Variants in UTS2B observed in about 807,000 individuals in gnomAD.
The protein encoded by UTS2B is urotensin-2B.
In UTS2B, 21 loss-of-function variants were observed where a neutral mutation model predicts 19.2. The observed-to-expected ratio is 1.09, with a 90% confidence interval of 0.78 to 1.58. The LOEUF (loss-of-function observed/expected upper bound fraction) is 1.58. UTS2B is among the 40% of genes most tolerant of loss of function. The probability of loss-of-function intolerance (pLI) is 0.00; values close to 1 mark genes in which losing one functional copy is unlikely to be tolerated. For missense variants in UTS2B, 138 were observed against 130.3 expected (o/e 1.06, Z -0.29); for synonymous variants, 57 against 50.2 (o/e 1.14, Z -0.58).
At chr3:191,275,644 T>C (rs533793738) in intron 7 of UTS2B, among the ~76,000 whole-genome samples, 11 of 151,084 alleles carry the variant, frequency 7.3e-5, no homozygotes, top group Non-Finnish European at 1.2e-4. Flanking sequence ...TGCACCACTG[T>C]ACTTCTGCCA....
intron 2 of UTS2B, among the ~76,000 whole-genome samples, chr3:191,322,399 T>A (rs778057416): frequency 6.6e-6 from 1 of 152,208 alleles, no homozygotes; most frequent in Non-Finnish European, 1.5e-5. Flanking sequence ...CTTGGTTAAA[T>A]GGTGAACAAT....
intron 8 of UTS2B, among the ~76,000 whole-genome samples, chr3:191,271,971 T>A (rs954330043): frequency 1.3e-5 from 2 of 152,178 alleles, no homozygotes; most frequent in Non-Finnish European, 2.9e-5. Context: ...GGATCCCACA[T>A]CCCCATTAAG....
At chr3:191,268,552 AC>A (rs1157660715) in intron 8 of UTS2B, 111 bp from the exon 9 acceptor site, 1 of 698,730 alleles carries the variant, frequency 1.4e-6, no homozygotes, top group Non-Finnish European at 2.4e-6. Context: ...TTTAAAAGGG[AC>A]AGTCAATATT....
chr3:191,316,819 A>T (rs554323885), intron 2 of UTS2B, among the ~76,000 whole-genome samples: 22 of 152,346 alleles, frequency 1.4e-4, no homozygotes, highest in African/African-American at 5.3e-4. Flanking sequence ...TGAGCTAGAC[A>T]CAGGGTGCTG....
intron 4 of UTS2B, among the ~76,000 whole-genome samples, chr3:191,286,416 A>T (rs1716545294): frequency 6.6e-6 from 1 of 152,208 alleles, no homozygotes; most frequent in African/African-American, 2.4e-5. Context: ...GTCATATCTT[A>T]TATCTTCTCC....
At chr3:191,334,478 A>G (rs1382277555), upstream of UTS2B, among the ~76,000 whole-genome samples, 1 of 152,138 alleles carries the variant, frequency 6.6e-6, no homozygotes, top group Non-Finnish European at 1.5e-5. Context: ...CAGAGTAGAA[A>G]GCACTAAAAA....
At chr3:191,276,732 A>G in intron 7 of UTS2B, 75 bp downstream of exon 7, 1 of 1,276,766 alleles carries the variant, frequency 7.8e-7, no homozygotes, top group Non-Finnish European at 1.1e-6. Flanking sequence ...ATTTATTTTA[A>G]AAAACATTGT....
upstream of UTS2B, among the ~76,000 whole-genome samples, chr3:191,333,035 C>T (rs149389537): frequency 2.0e-5 from 3 of 152,258 alleles, no homozygotes; most frequent in East Asian, 5.8e-4. Flanking sequence ...GCAGTTCTCT[C>T]AATCTCATTT....
At chr3:191,289,923 C>A (rs990166001) in intron 4 of UTS2B, among the ~76,000 whole-genome samples, 5 of 152,120 alleles carry the variant, frequency 3.3e-5, no homozygotes, top group Non-Finnish European at 7.4e-5. Context: ...TTGAAAATCA[C>A]TAAAGAAGTA....
chr3:191,285,072 A>T (rs1235085463), intron 4 of UTS2B, among the ~76,000 whole-genome samples: 1 of 152,232 alleles, frequency 6.6e-6, no homozygotes, highest in Non-Finnish European at 1.5e-5. Context: ...TATGTAAGTC[A>T]CTAATATCTT....
chr3:191,286,296 T>C (rs1031120164), intron 4 of UTS2B, among the ~76,000 whole-genome samples: 4 of 152,144 alleles, frequency 2.6e-5, no homozygotes, highest in Non-Finnish European at 4.4e-5. Context: ...CAAACATATA[T>C]AGGACATTTC....
At chr3:191,294,894 G>A (rs1283261492) in intron 4 of UTS2B, among the ~76,000 whole-genome samples, 2 of 151,790 alleles carry the variant, frequency 1.3e-5, no homozygotes, top group Non-Finnish European at 2.9e-5. Flanking sequence ...AGCCGGGCAT[G>A]TTGGCAGGCG....
chr3:191,284,346 G>A (rs1212153448), intron 4 of UTS2B, among the ~76,000 whole-genome samples: 1 of 151,628 alleles, frequency 6.6e-6, no homozygotes. Flanking sequence ...TTTTAAGAAG[G>A]AGTCTCTCTC....
rs895777038 is a variant in UTS2B at position 191,316,395 on chromosome 3, C to G, written c.-541G>C. The G allele has an allele frequency of 6.6e-6, 1 of 152,326 alleles. No individual in the cohort carries two copies. Among genetic ancestry groups the G allele is most frequent in the African/African-American group, 2.4e-5 (1 of 41,438 alleles). 9.4% of individuals were successfully genotyped at this position (152,326 alleles called of 1,614,324 possible). A position where few individuals can be genotyped will look rare whatever the true frequency, so the allele number is the denominator to read the frequency against. ...GACCTTCGCGGTGAGTGCTACAGCTCTTATGGGCAGTGCAGACCCAAAGAG... is the reference window on the plus strand; with the variant it reads ...GACCTTCGCGGTGAGTGCTACAGCTGTTATGGGCAGTGCAGACCCAAAGAG... On this transcript the variant is annotated 5_prime_UTR_variant, in exon 3 of 9. Transcript: ENST00000340524.
intron 4 of UTS2B, among the ~76,000 whole-genome samples, chr3:191,290,022 A>G (rs1417698251): frequency 1.3e-5 from 2 of 152,244 alleles, no homozygotes. Context: ...TAATGTATAC[A>G]TATTTCAATA....
chr3:191,329,849 G>A (rs1205481362), intron 1 of UTS2B: 1 of 856,460 alleles, frequency 1.2e-6, no homozygotes, highest in Non-Finnish European at 1.7e-6. Context: ...CGTTGGCCTT[G>A]CCCGGACGTG....
At chr3:191,322,927 A>G (rs2108615257) in intron 2 of UTS2B, among the ~76,000 whole-genome samples, 1 of 152,332 alleles carries the variant, frequency 6.6e-6, no homozygotes, top group African/African-American at 2.4e-5. Flanking sequence ...CCCACCATCC[A>G]GAAACTAAAA....
chr3:191,311,271 T>C (rs1037650614), intron 3 of UTS2B, among the ~76,000 whole-genome samples: 1 of 152,230 alleles, frequency 6.6e-6, no homozygotes, highest in Admixed American at 6.5e-5. Context: ...TGGTTACAGG[T>C]TTCTGTGGGA....
intron 8 of UTS2B, 135 bp downstream of exon 8, chr3:191,275,116 AT>A: frequency 6.8e-6 from 4 of 589,080 alleles, no homozygotes; most frequent in Admixed American, 2.9e-5. Flanking sequence ...ATTGGAATAT[AT>A]TTTTTTAATA....
Sources: allele counts gnomAD v4.1 joint callset (sites outside exome capture counted in the v4.1 genomes callset), GRCh38; gene constraint gnomAD v4.1.1; transcripts MANE v1.5; gene names NCBI Gene and HGNC (gene_info 2026-07-23, HGNC 2026-07-21).